AUTS2: variants seen among roughly 807,000 people sequenced by gnomAD.
The protein encoded by AUTS2 is autism susceptibility gene 2 protein.
In AUTS2, 17 loss-of-function variants were observed where a neutral mutation model predicts 112.4. The ratio of observed to expected loss-of-function variants is 0.15; its 90% CI spans 0.10 to 0.23. The LOEUF (loss-of-function observed/expected upper bound fraction) is 0.23. Ranked by LOEUF, AUTS2 falls within the 10% of genes least tolerant of loss-of-function variation. The pLI is 1.00. For missense variants in AUTS2, 1,510 were observed against 1,701.6 expected, an observed-to-expected ratio of 0.89 and a Z score of 1.98; for synonymous variants, 751 against 702.7, an observed-to-expected ratio of 1.07 and a Z score of -1.09.
intron 4 of AUTS2, among the ~76,000 whole-genome samples, chr7:70,308,273 G>T (rs1194332844): frequency 2.0e-5 from 3 of 152,128 alleles, no homozygotes; most frequent in Non-Finnish European, 4.4e-5. Flanking sequence ...TATAACAATT[G>T]TTTTCTAGGA....
chr7:69,721,884 C>A (rs1798963979), intron 1 of AUTS2, among the ~76,000 whole-genome samples: 1 of 152,038 alleles, frequency 6.6e-6, no homozygotes, highest in Admixed American at 6.6e-5. Flanking sequence ...TGCTAGAGCA[C>A]AGGTACATGG....
At chr7:69,676,813 T>C (rs1341304012) in intron 1 of AUTS2, among the ~76,000 whole-genome samples, 8 of 88,254 alleles carry the variant, frequency 9.1e-5, no homozygotes, top group African/African-American at 3.6e-4. Context: ...CTGGTTTTTT[T>C]CTTTTTTCTT....
chr7:70,385,219 A>G (rs1793557215), intron 4 of AUTS2, among the ~76,000 whole-genome samples: 1 of 152,196 alleles, frequency 6.6e-6, no homozygotes, highest in Non-Finnish European at 1.5e-5. Context: ...GACAAGTACC[A>G]TACTTTATTT....
intron 4 of AUTS2, chr7:70,292,942 A>G (rs1463289660): frequency 6.6e-6 from 1 of 152,194 alleles, no homozygotes; most frequent in African/African-American, 2.4e-5. Context: ...TTAGTTTTGC[A>G]GATTGCCTTT....
At chr7:70,570,054 G>A (rs987531998) in intron 5 of AUTS2, among the ~76,000 whole-genome samples, 5 of 152,190 alleles carry the variant, frequency 3.3e-5, no homozygotes, top group African/African-American at 9.6e-5. Context: ...ATAGGAAGCC[G>A]TGTTAGCTGT....
intron 5 of AUTS2, among the ~76,000 whole-genome samples, chr7:70,552,137 CA>C (rs1801040876): frequency 6.6e-6 from 1 of 152,002 alleles, no homozygotes; most frequent in African/African-American, 2.4e-5. Context: ...TGTGTTTAAA[CA>C]AGAGAAAAAG....
chr7:70,492,137 C>T (rs1371658173), intron 5 of AUTS2, among the ~76,000 whole-genome samples: 1 of 152,124 alleles, frequency 6.6e-6, no homozygotes, highest in Non-Finnish European at 1.5e-5. Flanking sequence ...CAGCCTGGCC[C>T]AACAGCTGCA....
intron 5 of AUTS2, among the ~76,000 whole-genome samples, chr7:70,472,382 T>TTTC (rs397727940): frequency 2.0e-5 from 3 of 151,078 alleles, no homozygotes; most frequent in Non-Finnish European, 3.0e-5. Flanking sequence ...TTTTTTTTTT[T>TTTC]CCCAGTACCG....
chr7:70,384,281 A>G (rs916913979), intron 4 of AUTS2, among the ~76,000 whole-genome samples: 1 of 152,196 alleles, frequency 6.6e-6, no homozygotes. Flanking sequence ...AGGTGGGCCT[A>G]CTCAGACGCA....
chr7:69,894,172 C>T (rs1794639893), intron 1 of AUTS2, among the ~76,000 whole-genome samples: 1 of 151,670 alleles, frequency 6.6e-6, no homozygotes, highest in Non-Finnish European at 1.5e-5. Context: ...GCCTCTCAGC[C>T]AGCCTCTTGT....
At chr7:69,660,412 A>C (rs929096340) in intron 1 of AUTS2, among the ~76,000 whole-genome samples, 14 of 152,126 alleles carry the variant, frequency 9.2e-5, no homozygotes, top group Admixed American at 9.2e-4. Flanking sequence ...ACCTTTTTAG[A>C]CTTCATGGTG....
intron 2 of AUTS2, among the ~76,000 whole-genome samples, chr7:69,947,023 CT>C (rs899946177): frequency 1.2e-4 from 18 of 152,142 alleles, no homozygotes; most frequent in Non-Finnish European, 2.5e-4. Context: ...ATTCACACTG[CT>C]TTTTTCAGCA....
intron 1 of AUTS2, among the ~76,000 whole-genome samples, chr7:69,773,918 G>T (rs1218794316): frequency 1.3e-5 from 2 of 152,254 alleles, no homozygotes. Flanking sequence ...AAATAAACCA[G>T]TGCCAGTCAG....
intron 1 of AUTS2, among the ~76,000 whole-genome samples, chr7:69,894,599 A>G (rs903130447): frequency 3.9e-5 from 6 of 152,026 alleles, no homozygotes; most frequent in African/African-American, 1.4e-4. Context: ...TGTTGGTACA[A>G]ATTTTTCTGG....
rs2129546859 is a variant in AUTS2, at chr7:70,694,643, C to T, written c.691-3926C>T. 6.7e-6 allele frequency: 1 copy of T among 148,318 alleles called. No individual in the cohort carries two copies. The highest frequency in any genetic ancestry group is 2.4e-5 in the African/African-American group (1 of 41,040). The allele number at this position is 148,318 out of a possible 1,614,324, so 9.2% of individuals were successfully genotyped here. ...CCGCCTCGCCCTCCCGCCGGCCGGC[C>T]CGGGACGCGCCTTGTTAGCCCCCGC... is the stretch of plus-strand genomic sequence containing the variant. On this transcript the variant is annotated intron_variant, in intron 5 of 18. Transcript: ENST00000342771. This position sits in a 1 kb window ranked among gnomAD's most constrained non-coding sequence, Gnocchi z 4.1.
At chr7:69,701,709 CATTTT>C (rs1477049147) in intron 1 of AUTS2, among the ~76,000 whole-genome samples, 1 of 152,164 alleles carries the variant, frequency 6.6e-6, no homozygotes, top group African/African-American at 2.4e-5. Flanking sequence ...GTTTGGGAAA[CATTTT>C]ATGTATTTTA....
chr7:69,919,532 T>C (rs1186016184), intron 2 of AUTS2, among the ~76,000 whole-genome samples: 1 of 152,218 alleles, frequency 6.6e-6, no homozygotes, highest in Non-Finnish European at 1.5e-5. Flanking sequence ...GATAGCAGTG[T>C]TTGTATTGCA....
chr7:69,853,232 G>A (rs1015148324), intron 1 of AUTS2, among the ~76,000 whole-genome samples: 6 of 152,086 alleles, frequency 3.9e-5, no homozygotes, highest in Non-Finnish European at 8.8e-5. Flanking sequence ...TGATAAAGGG[G>A]CATTTTAGTC....
intron 1 of AUTS2, among the ~76,000 whole-genome samples, chr7:69,650,010 A>G (rs1202778281): frequency 3.3e-5 from 5 of 152,164 alleles, no homozygotes; most frequent in Admixed American, 3.3e-4. Flanking sequence ...TAGCCATCCA[A>G]ACTGGGCCAG....
Sources: allele counts gnomAD v4.1 joint callset (sites outside exome capture counted in the v4.1 genomes callset), GRCh38; gene constraint gnomAD v4.1.1; non-coding constraint Gnocchi (gnomAD v3.1); transcripts MANE v1.5; gene names NCBI Gene and HGNC (gene_info 2026-07-23, HGNC 2026-07-21).